Variants in FANCL observed in about 807,000 individuals in gnomAD.
The protein encoded by FANCL is E3 ubiquitin-protein ligase FANCL.
FANCL carries 69 observed loss-of-function variants against 59.4 expected under a neutral mutation model. The ratio of observed to expected loss-of-function variants is 1.16; its 90% CI spans 0.96 to 1.42. FANCL has a LOEUF of 1.42. Among genes scored for constraint, FANCL ranks in the 40% most tolerant of loss-of-function variants. The probability of loss-of-function intolerance (pLI) is 0.00; values close to 1 mark genes in which losing one functional copy is unlikely to be tolerated. For synonymous variants in FANCL, 180 were observed against 147.1 expected (o/e 1.22, Z -1.62); for missense variants, 519 against 447.2 (o/e 1.16, Z -1.45).
chr2:58,183,079 A>G lies in FANCL; in HGVS notation c.540+15515T>C, dbSNP rs77949670. 5.9e-3 allele frequency among the ~76,000 whole-genome samples: 894 copies of G among 151,980 alleles called. 12 individuals carry two copies. Among genetic ancestry groups the G allele is most frequent in the African/African-American group, 0.02 (844 of 41,540 alleles). ...CATTATTATAAGACATATAGTACTC[A>G]TCCTAGAGAAGTTCACAGCCTAATG... On this transcript the variant is annotated intron_variant, in intron 7 of 13. Coordinates refer to ENST00000233741, the MANE Select transcript of FANCL (RefSeq NM_018062.4).
At chr2:58,170,158 G>A (rs534340302) in intron 7 of FANCL, among the ~76,000 whole-genome samples, 1 of 152,296 alleles carries the variant, frequency 6.6e-6, no homozygotes, top group South Asian at 2.1e-4. Context: ...TACCCACAAA[G>A]GGAAGCCCAT....
intron 3 of FANCL, among the ~76,000 whole-genome samples, chr2:58,229,287 T>C (rs1159332693): frequency 6.6e-6 from 1 of 152,206 alleles, no homozygotes; most frequent in Admixed American, 6.5e-5. Context: ...TGATTTTTTT[T>C]TCTAATCTTT....
intron 5 of FANCL, among the ~76,000 whole-genome samples, chr2:58,205,010 T>C (rs896885010): frequency 3.3e-5 from 5 of 152,114 alleles, no homozygotes; most frequent in East Asian, 1.9e-4. Flanking sequence ...GTATATTTAC[T>C]AGTGAACTGG....
At chr2:58,180,000 T>C (rs1439035205) in intron 7 of FANCL, among the ~76,000 whole-genome samples, 2 of 151,878 alleles carry the variant, frequency 1.3e-5, no homozygotes, top group African/African-American at 2.4e-5. Context: ...ATTAGAAAAA[T>C]GCAAATCAAA....
chr2:58,175,870 A>AT (rs1687246198), intron 7 of FANCL, among the ~76,000 whole-genome samples: 1 of 151,930 alleles, frequency 6.6e-6, no homozygotes, highest in Non-Finnish European at 1.5e-5. Flanking sequence ...ACATGATTGT[A>AT]TATCTAGAAA....
At chr2:58,185,250 T>A (rs1368300063) in intron 7 of FANCL, among the ~76,000 whole-genome samples, 1 of 152,070 alleles carries the variant, frequency 6.6e-6, no homozygotes. Context: ...TATTAAGAGA[T>A]CAATCCAATA....
Position 58,203,737 on chromosome 2 carries a change from T to C in FANCL, c.471+393A>G, listed in dbSNP as rs553257664. ...AGGGAGTGGGGATCACAGATAAGAA[T>C]AAGAACTACAAAAGAAATTTATAGT... On this transcript the variant is annotated intron_variant, in intron 6 of 13. Transcript: ENST00000233741. 3.3e-5 allele frequency among the ~76,000 whole-genome samples: 5 copies of C among 152,130 alleles called. No homozygotes were observed. The South Asian group carries it at 8.3e-4, about 25-fold the overall frequency.
At chr2:58,162,178 C>T (rs1465440321) in intron 11 of FANCL, among the ~76,000 whole-genome samples, 1 of 151,874 alleles carries the variant, frequency 6.6e-6, no homozygotes, top group Non-Finnish European at 1.5e-5. Context: ...AAAAGAAACT[C>T]ACTACCATTT....
chr2:58,201,280 G>A (rs990299105), intron 6 of FANCL, among the ~76,000 whole-genome samples: 2 of 151,114 alleles, frequency 1.3e-5, no homozygotes, highest in African/African-American at 2.4e-5. Flanking sequence ...ATATCATATA[G>A]GAATATTAAC....
intron 5 of FANCL, among the ~76,000 whole-genome samples, chr2:58,218,882 G>C (rs529330955): frequency 1.9e-4 from 29 of 151,592 alleles, no homozygotes; most frequent in African/African-American, 6.3e-4. Flanking sequence ...CCTTAATACA[G>C]ATATAAATGG....
chr2:58,226,639 T>G, intron 4 of FANCL, 89 bp downstream of exon 4: 1 of 940,458 alleles, frequency 1.1e-6, no homozygotes, highest in South Asian at 1.4e-5. Flanking sequence ...GAAGACAAAT[T>G]CTAATAATGT....
intron 4 of FANCL, among the ~76,000 whole-genome samples, chr2:58,224,121 AAACT>A (rs1445504870): frequency 1.3e-5 from 2 of 151,864 alleles, no homozygotes; most frequent in African/African-American, 4.8e-5. Flanking sequence ...TTTTAGTTTT[AAACT>A]AATAAGTGTT....
In FANCL at chr2:58,191,298, C is replaced by T. The variant is rs970043395; in HGVS notation, c.540+7296G>A. On this transcript the variant is annotated intron_variant, in intron 7 of 13. Coordinates refer to ENST00000233741, the MANE Select transcript of FANCL (RefSeq NM_018062.4). ...TCCAAAAGTATTTTAAAATATTGAT[C>T]ACAACATTAAAGGAGTCATTTGGAG... Among the ~76,000 whole-genome samples the T allele has an allele frequency of 3.3e-5, 5 of 151,676 alleles. No homozygotes were observed. In the East Asian group the frequency reaches 7.7e-4, roughly 23 times the overall value.
At chr2:58,164,660 TAGTA>T (rs1558739520) in intron 8 of FANCL, among the ~76,000 whole-genome samples, 1 of 152,060 alleles carries the variant, frequency 6.6e-6, no homozygotes, top group Non-Finnish European at 1.5e-5. Flanking sequence ...ATGAGAAATA[TAGTA>T]AGTATATTTA....
intron 6 of FANCL, among the ~76,000 whole-genome samples, chr2:58,203,722 G>GA (rs1690286528): frequency 6.6e-6 from 1 of 152,016 alleles, no homozygotes; most frequent in South Asian, 2.1e-4. Context: ...AGGGAGTGGG[G>GA]ATCACAGATA....
chr2:58,162,988 A>C, intron 10 of FANCL, 41 bp from the exon 11 acceptor site: 1 of 1,612,464 alleles, frequency 6.2e-7, no homozygotes, highest in East Asian at 2.2e-5. Flanking sequence ...GAACTTTGTA[A>C]AATCACCAAA....
chr2:58,174,525 C>G lies in FANCL; in HGVS notation c.541-8651G>C, dbSNP rs1203384629. Among the ~76,000 whole-genome samples the G allele has an allele frequency of 3.3e-5, 5 of 152,312 alleles. No individual in the cohort carries two copies. In the South Asian group the frequency reaches 6.2e-4, roughly 19 times the overall value. ...ATCTACATGGAAACTGAACAACCTG[C>G]TCCAGAATGACTACTGGGTACATAA... is the stretch of plus-strand genomic sequence containing the variant. On this transcript the variant is annotated intron_variant, in intron 7 of 13. Transcript: ENST00000233741.
intron 7 of FANCL, among the ~76,000 whole-genome samples, chr2:58,181,902 T>C (rs1254125719): frequency 2.0e-5 from 3 of 151,784 alleles, no homozygotes. Flanking sequence ...TTGCTTCATT[T>C]AAAAAATATT....
intron 6 of FANCL, among the ~76,000 whole-genome samples, chr2:58,202,656 A>C (rs1227558831): frequency 2.0e-5 from 3 of 151,916 alleles, no homozygotes; most frequent in Non-Finnish European, 4.4e-5. Context: ...TCTCCAGAGA[A>C]ATACTAAAAG....
Sources: allele counts gnomAD v4.1 joint callset (sites outside exome capture counted in the v4.1 genomes callset), GRCh38; gene constraint gnomAD v4.1.1; transcripts MANE v1.5; gene names NCBI Gene and HGNC (gene_info 2026-07-23, HGNC 2026-07-21).